The following FRMD4A variants were observed in gnomAD, a reference collection of about 807,000 sequenced individuals.
FRMD4A encodes the protein FERM domain containing 4A.
A neutral mutation model predicts 129.1 loss-of-function variants in FRMD4A; 29 were observed. The ratio of observed to expected loss-of-function variants is 0.22; its 90% CI spans 0.17 to 0.31. FRMD4A has a LOEUF of 0.31. FRMD4A is among the 10% of genes least tolerant of loss of function. The pLI is 1.00. For missense variants in FRMD4A, 1,272 were observed against 1,375.8 expected (o/e 0.92, Z 1.19); for synonymous variants, 634 against 571.6 (o/e 1.11, Z -1.56).
intron 2 of FRMD4A, among the ~76,000 whole-genome samples, chr10:13,859,839 G>C (rs2094268934): frequency 6.6e-6 from 1 of 152,154 alleles, no homozygotes; most frequent in Admixed American, 6.5e-5. Context: ...GTGCCTTTCA[G>C]GACTGAAATC....
intron 2 of FRMD4A, among the ~76,000 whole-genome samples, chr10:14,201,049 A>G (rs1313322093): frequency 6.6e-6 from 1 of 152,166 alleles, no homozygotes; most frequent in African/African-American, 2.4e-5. Context: ...CTTGGACACC[A>G]GCCCTAGCTG....
intron 3 of FRMD4A, among the ~76,000 whole-genome samples, chr10:13,857,345 G>A (rs960891953): frequency 6.6e-6 from 1 of 152,024 alleles, no homozygotes; most frequent in African/African-American, 2.4e-5. Flanking sequence ...GAAAGACAAT[G>A]GTAAGTGGAA....
chr10:13,695,140 A>C (rs1050186680), intron 14 of FRMD4A, among the ~76,000 whole-genome samples: 1 of 147,002 alleles, frequency 6.8e-6, no homozygotes, highest in African/African-American at 2.5e-5. Context: ...GCGGTTTTTC[A>C]AAAAAAAATT....
At chr10:14,053,991 AGT>A (rs1159224124) in intron 2 of FRMD4A, among the ~76,000 whole-genome samples, 3 of 152,080 alleles carry the variant, frequency 2.0e-5, no homozygotes, top group African/African-American at 7.2e-5. Context: ...TCGGCAATAG[AGT>A]GAGACCCTGT....
chr10:13,851,728 T>C (rs185371185), intron 3 of FRMD4A, among the ~76,000 whole-genome samples: 1,797 of 151,994 alleles, frequency 0.012, 38 homozygotes, highest in African/African-American at 0.041. Context: ...GGTGAAACCC[T>C]GTCTCTACTA....
At chr10:14,248,042 G>A (rs1163248164) in intron 2 of FRMD4A, among the ~76,000 whole-genome samples, 1 of 152,130 alleles carries the variant, frequency 6.6e-6, no homozygotes, top group East Asian at 1.9e-4. Context: ...CCTACCCCTG[G>A]CACCTCAGCG....
intron 2 of FRMD4A, among the ~76,000 whole-genome samples, chr10:14,122,221 A>G (rs531333600): frequency 6.6e-6 from 1 of 152,348 alleles, no homozygotes; most frequent in South Asian, 2.1e-4. Context: ...AAAGCATCAC[A>G]TAACACAAAA....
intron 15 of FRMD4A, among the ~76,000 whole-genome samples, chr10:13,682,246 C>A (rs78532474): frequency 0.02 from 3,048 of 152,144 alleles, 104 homozygotes; most frequent in African/African-American, 0.07. Flanking sequence ...GCCACTATTC[C>A]TAGCCTTTAC....
At chr10:13,992,318 T>C (rs12766707) in intron 2 of FRMD4A, among the ~76,000 whole-genome samples, 43,568 of 152,134 alleles carry the variant, frequency 0.29, 7,392 homozygotes, top group East Asian at 0.73. Context: ...TTCTCTGGTC[T>C]CCACCTGTTT....
intron 2 of FRMD4A, among the ~76,000 whole-genome samples, chr10:13,885,132 C>A (rs1041899154): frequency 6.6e-6 from 1 of 152,190 alleles, no homozygotes; most frequent in African/African-American, 2.4e-5. Context: ...TGCCTGTAAT[C>A]CCAGGGCTTG....
intron 2 of FRMD4A, among the ~76,000 whole-genome samples, chr10:14,104,981 C>T (rs1432358233): frequency 6.6e-6 from 1 of 152,214 alleles, no homozygotes; most frequent in East Asian, 1.9e-4. Context: ...CCAAGCTCTC[C>T]TCCACTGTGG....
intron 12 of FRMD4A, among the ~76,000 whole-genome samples, chr10:13,731,473 A>T (rs1588467130): frequency 6.6e-6 from 1 of 152,072 alleles, no homozygotes; most frequent in African/African-American, 2.4e-5. Flanking sequence ...ACATGGTGAA[A>T]CCCCGTCTCT....
chr10:14,158,558 G>T (rs949035002), intron 2 of FRMD4A, among the ~76,000 whole-genome samples: 1 of 152,008 alleles, frequency 6.6e-6, no homozygotes, highest in East Asian at 1.9e-4. Flanking sequence ...GCTACAGAGA[G>T]CAATAGTCAT....
intron 3 of FRMD4A, among the ~76,000 whole-genome samples, chr10:13,832,160 G>A (rs1285329229): frequency 8.8e-6 from 1 of 114,280 alleles, no homozygotes; most frequent in Admixed American, 1.1e-4. Context: ...CCAGCTCACC[G>A]GGGGTGAACT....
chr10:14,285,471 A>G (rs1418636443), intron 2 of FRMD4A, among the ~76,000 whole-genome samples: 1 of 152,250 alleles, frequency 6.6e-6, no homozygotes, highest in Admixed American at 6.5e-5. Flanking sequence ...AGATTTCACT[A>G]GCAAAACAGC....
intron 4 of FRMD4A, among the ~76,000 whole-genome samples, chr10:13,799,021 C>T (rs1278226489): frequency 1.3e-5 from 2 of 152,208 alleles, no homozygotes; most frequent in African/African-American, 4.8e-5. Flanking sequence ...AAAGTCTTCC[C>T]ACACCACACA....
intron 2 of FRMD4A, among the ~76,000 whole-genome samples, chr10:13,984,915 G>A (rs1437683826): frequency 6.6e-6 from 1 of 152,230 alleles, no homozygotes. Context: ...TGGCAATCCT[G>A]TGTGTAATTT....
intron 2 of FRMD4A, among the ~76,000 whole-genome samples, chr10:14,103,309 A>G (rs976879563): frequency 2.0e-5 from 3 of 152,234 alleles, no homozygotes; most frequent in Non-Finnish European, 4.4e-5. Flanking sequence ...ACTAAGCTTT[A>G]CCTAATGGGG....
intron 4 of FRMD4A, among the ~76,000 whole-genome samples, chr10:13,805,704 G>A (rs1172967956): frequency 2.0e-5 from 3 of 151,916 alleles, no homozygotes; most frequent in Non-Finnish European, 4.4e-5. Flanking sequence ...TAGTTTTGTT[G>A]TTGAGACGAG....
Sources: allele counts gnomAD v4.1 joint callset (sites outside exome capture counted in the v4.1 genomes callset), GRCh38; gene constraint gnomAD v4.1.1; transcripts MANE v1.5; gene names NCBI Gene and HGNC (gene_info 2026-07-23, HGNC 2026-07-21).